Variants in MYT1L observed in about 807,000 individuals in gnomAD.
The protein encoded by MYT1L is myelin transcription factor 1-like protein.
In MYT1L, 12 loss-of-function variants were observed where a neutral mutation model predicts 126.7. The ratio of observed to expected loss-of-function variants is 0.09; its 90% CI spans 0.06 to 0.15. MYT1L has a LOEUF of 0.15. Among genes scored for constraint, MYT1L ranks in the 10% least tolerant of loss-of-function variants. MYT1L has a pLI of 1.00. For synonymous variants in MYT1L, 541 were observed against 604.2 expected (o/e 0.90, Z 1.53); for missense variants, 979 against 1,585.2 (o/e 0.62, Z 6.49).
chr2:1,910,096 T>G lies in MYT1L; in HGVS notation c.1817+144A>C, dbSNP rs1558363158. 1.4e-6 allele frequency: 1 copy of G among 707,134 alleles called. No individual in the cohort carries two copies. 43.8% of individuals were successfully genotyped at this position (707,134 alleles called of 1,614,324 possible). A position where few individuals can be genotyped will look rare whatever the true frequency, so the allele number is the denominator to read the frequency against. On this transcript the variant is annotated intron_variant, in intron 13 of 24. Transcript: ENST00000647738. The surrounding 1 kb of genome is among the most constrained non-coding windows in gnomAD (Gnocchi z 4.8). ...CAGCCTGGCCTGGAGTGAGGGGTCC[T>G]GGCCCCGGCTTCCAGCACAGCCCCG... is the stretch of plus-strand genomic sequence containing the variant.
At chr2:1,980,259 AAGG>A in intron 5 of MYT1L, among the ~76,000 whole-genome samples, 1 of 147,698 alleles carries the variant, frequency 6.8e-6, no homozygotes, top group South Asian at 2.1e-4. Context: ...TTTCAGTTAC[AAGG>A]AGAATCTAAA....
At chr2:1,810,998 G>A (rs1463421326) in intron 21 of MYT1L, 1 of 152,138 alleles carries the variant, frequency 6.6e-6, no homozygotes, top group Admixed American at 6.5e-5. Context: ...GAAGTGAGGA[G>A]GCCTCGTGAT....
intron 22 of MYT1L, among the ~76,000 whole-genome samples, chr2:1,807,171 T>G (rs1341288228): frequency 6.6e-6 from 1 of 152,204 alleles, no homozygotes; most frequent in East Asian, 1.9e-4. Flanking sequence ...CCCCAGACCT[T>G]GAGGACCAAT....
At chr2:2,040,532 T>C (rs1401034823) in intron 4 of MYT1L, among the ~76,000 whole-genome samples, 2 of 152,352 alleles carry the variant, frequency 1.3e-5, no homozygotes, top group Admixed American at 6.5e-5. Flanking sequence ...ATTTATCATA[T>C]GCAGCTGGAA....
In MYT1L at chr2:1,793,601, C is replaced by G. The variant is rs570419649; in HGVS notation, c.3277-1137G>C. Among the ~76,000 whole-genome samples, 13 of 152,288 alleles carry G rather than the reference C, an allele frequency of 8.5e-5. No individual in the cohort carries two copies. The highest frequency in any genetic ancestry group is 8.5e-4 in the Admixed American group (13 of 15,308). The stretch of plus-strand genomic sequence containing the variant: ...CCCGGGTTCTCCCAGTCACCAGCCT[C>G]AGGCCCAGACCCTCTGTTAGAAAAC... On this transcript the variant is annotated intron_variant, in intron 23 of 24. Coordinates refer to ENST00000647738, the MANE Select transcript of MYT1L (RefSeq NM_001303052.2). This position sits in a 1 kb window ranked among gnomAD's most constrained non-coding sequence, Gnocchi z 4.6.
intron 3 of MYT1L, among the ~76,000 whole-genome samples, chr2:2,102,677 A>T (rs1442019245): frequency 6.6e-6 from 1 of 151,766 alleles, no homozygotes; most frequent in African/African-American, 2.4e-5. Flanking sequence ...TTGCATAAAA[A>T]CATGATAGAG....
intron 1 of MYT1L, among the ~76,000 whole-genome samples, chr2:2,290,693 C>T (rs763008930): frequency 6.6e-6 from 1 of 152,166 alleles, no homozygotes. Flanking sequence ...GATGTGGTTC[C>T]TGGACCTGGT....
intron 18 of MYT1L, among the ~76,000 whole-genome samples, chr2:1,876,247 G>C (rs1421661526): frequency 6.6e-6 from 1 of 152,156 alleles, no homozygotes; most frequent in Non-Finnish European, 1.5e-5. Context: ...TCTCGCTGGG[G>C]GTGGCAACAG....
At chr2:1,959,031 T>C (rs1012531245) in intron 8 of MYT1L, among the ~76,000 whole-genome samples, 3 of 152,070 alleles carry the variant, frequency 2.0e-5, no homozygotes, top group African/African-American at 7.2e-5. Context: ...AAAGAATCGG[T>C]GGGGAGCTTG....
At chr2:2,045,210 G>C (rs1368380079) in intron 4 of MYT1L, among the ~76,000 whole-genome samples, 1 of 152,256 alleles carries the variant, frequency 6.6e-6, no homozygotes, top group Non-Finnish European at 1.5e-5. Flanking sequence ...ACTAATGAGA[G>C]TTATGCATGT....
intron 2 of MYT1L, among the ~76,000 whole-genome samples, chr2:2,207,815 G>A (rs995614895): frequency 1.3e-5 from 2 of 152,140 alleles, no homozygotes; most frequent in Admixed American, 1.3e-4. Flanking sequence ...ATGTATGGTT[G>A]GGTGATTATT....
chr2:1,839,203 G>A lies in MYT1L; in HGVS notation c.3026C>T (p.Thr1009Met), dbSNP rs1278344930. 6.2e-7 allele frequency: 1 copy of A among 1,613,518 alleles called. No individual in the cohort carries two copies. The highest frequency in any genetic ancestry group is 1.7e-5 in the Admixed American group (1 of 60,024). Reference sequence around the variant, plus strand: ...GTGGCCTGAGCCGTCGCATCCTGGCGTGGGGCAGGACATGCCTTCCGTCTT... The same window carrying A: ...GTGGCCTGAGCCGTCGCATCCTGGCATGGGGCAGGACATGCCTTCCGTCTT... ...SVKTEGMSCP[T>M]PGCDGSGHVS... The change falls in exon 21 of 25, where the codon ACG becomes ATG. Residue 1009 changes from threonine (T) to methionine (M), a missense_variant. This residue lies in a region of MYT1L where 179 missense variants were observed against 398.6 expected (regional missense o/e 0.45). Transcript: ENST00000647738.
At chr2:2,021,619 C>T (rs952738682) in intron 4 of MYT1L, among the ~76,000 whole-genome samples, 3 of 152,136 alleles carry the variant, frequency 2.0e-5, no homozygotes, top group Non-Finnish European at 2.9e-5. Flanking sequence ...GTTTACCAGC[C>T]GGGCGCGGTG....
chr2:1,798,136 T>C (rs539927935), intron 23 of MYT1L, among the ~76,000 whole-genome samples: 77 of 35,100 alleles, frequency 2.2e-3, no homozygotes, highest in African/African-American at 5.1e-3. Flanking sequence ...GCGGTCTCCC[T>C]CCATCCGGCA....
Position 1,887,645 on chromosome 2 carries a change from G to A in MYT1L, c.2521-36C>T. ...AACACAGCTTCAGAGCCACACGGAT[G>A]ATCACATGGCACACAGACTGAGGGA... On this transcript the variant is annotated intron_variant, in intron 16 of 24. Coordinates refer to ENST00000647738, the MANE Select transcript of MYT1L (RefSeq NM_001303052.2). This position sits in a 1 kb window ranked among gnomAD's most constrained non-coding sequence, Gnocchi z 4.8. 1 of 1,613,796 alleles carries A rather than the reference G, an allele frequency of 6.2e-7. No individual in the cohort carries two copies. Among genetic ancestry groups the A allele is most frequent in the Non-Finnish European group, 8.5e-7 (1 of 1,179,826 alleles).
intron 13 of MYT1L, among the ~76,000 whole-genome samples, chr2:1,908,099 C>T (rs17039158): frequency 0.06 from 9,166 of 152,302 alleles, 305 homozygotes; most frequent in Middle Eastern, 0.071. Flanking sequence ...CAGAGGAGAA[C>T]GGCTGCAGCT....
Position 2,028,141 on chromosome 2 carries a change from C to A in MYT1L, c.-158+25837G>T, listed in dbSNP as rs370281931. Among the ~76,000 whole-genome samples the A allele has an allele frequency of 3.0e-4, 46 of 152,374 alleles. No homozygotes were observed. The East Asian group carries it at 6.4e-3, about 21-fold the overall frequency. On this transcript the variant is annotated intron_variant, in intron 4 of 24. Coordinates refer to ENST00000647738, the MANE Select transcript of MYT1L (RefSeq NM_001303052.2). Reference sequence around the variant, plus strand: ...CCTGCTCCTTCAGGCAAGCACAGAGCAGATGCTGGAAGAATGAAGGGCATG... The same window carrying A: ...CCTGCTCCTTCAGGCAAGCACAGAGAAGATGCTGGAAGAATGAAGGGCATG...
At chr2:1,857,093 C>T (rs13399225) in intron 18 of MYT1L, among the ~76,000 whole-genome samples, 3,481 of 152,222 alleles carry the variant, frequency 0.023, 57 homozygotes, top group Non-Finnish European at 0.029. Flanking sequence ...CAGTGTTTCA[C>T]AGGAGCATGA....
chr2:2,222,751 T>C lies in MYT1L; in HGVS notation c.-420-49763A>G, dbSNP rs80052514. On this transcript the variant is annotated intron_variant, in intron 2 of 24. Coordinates refer to ENST00000647738, the MANE Select transcript of MYT1L (RefSeq NM_001303052.2). The stretch of plus-strand genomic sequence containing the variant: ...CTTGAGGAGAAGGAATCCTAAACTG[T>C]AGGATATCTACTTGTATTTTAAAAT... 7.9e-3 allele frequency among the ~76,000 whole-genome samples: 1,206 copies of C among 152,164 alleles called. 20 individuals carry two copies. The highest frequency in any genetic ancestry group is 0.028 in the African/African-American group (1,147 of 41,526).
Sources: gnomAD v4.1 joint callset for allele counts (sites outside exome capture counted in the v4.1 genomes callset) on GRCh38, gnomAD v4.1.1 for gene constraint, gnomAD v4.1.1 regional missense constraint, Gnocchi (gnomAD v3.1) non-coding constraint, MANE v1.5 for transcripts, NCBI Gene and HGNC (gene_info 2026-07-23, HGNC 2026-07-21) for gene names.